Variants in TRRAP observed in about 807,000 individuals in gnomAD.
TRRAP encodes the protein transformation/transcription domain-associated protein.
A neutral mutation model predicts 438.8 loss-of-function variants in TRRAP; 41 were observed. The observed-to-expected ratio is 0.09, with a 90% CI of 0.07 to 0.12. The LOEUF is 0.12. Among genes scored for constraint, TRRAP ranks in the 10% least tolerant of loss-of-function variants. The pLI is 1.00. For synonymous variants in TRRAP, 1,994 were observed against 1,962.9 expected, an observed-to-expected ratio of 1.02 and a Z score of -0.42; for missense variants, 3,122 against 5,055.1, an observed-to-expected ratio of 0.62 and a Z score of 11.60.
At chr7:99,000,620 G>A (rs1051481815) in intron 67 of TRRAP, among the ~76,000 whole-genome samples, 5 of 152,258 alleles carry the variant, frequency 3.3e-5, no homozygotes, top group Admixed American at 3.3e-4. Flanking sequence ...GCCAGCCGGC[G>A]TCACTTGGGC....
At chr7:98,953,467 A>G (rs566244963) in intron 40 of TRRAP, 34 bp downstream of exon 40, 12 of 1,597,922 alleles carry the variant, frequency 7.5e-6, no homozygotes, top group Non-Finnish European at 1.0e-5. Context: ...CGCCGACATC[A>G]GCGTGAATCT....
rs1246194206 is a variant in TRRAP, at chr7:98,993,530, G to T, written c.9848-8G>T. ...CGCTGACACTGGCGTTGTGTGTGTTGCTCTCAGATTCTGGACAGCAGCAGC... is the reference window on the plus strand; with the variant it reads ...CGCTGACACTGGCGTTGTGTGTGTTTCTCTCAGATTCTGGACAGCAGCAGC... On this transcript the variant is annotated splice_region_variant and splice_polypyrimidine_tract_variant and intron_variant, in intron 65 of 72. Coordinates refer to ENST00000456197, the MANE Select transcript of TRRAP (RefSeq NM_001375524.1). 1 of 1,608,178 alleles carries T rather than the reference G, an allele frequency of 6.2e-7. No individual in the cohort carries two copies.
At position 98,921,925 on chromosome 7, in the gene TRRAP, A is replaced by C. The variant is rs782779237; in HGVS notation, c.2795A>C (p.Lys932Thr). Residue 932 changes from lysine to threonine, a missense_variant, in exon 21 of 73, where the codon AAA (lysine) becomes ACA (threonine). Coordinates refer to ENST00000456197, the MANE Select transcript of TRRAP (RefSeq NM_001375524.1). Reference protein sequence around the residue: ...PSITVEFSDCKASLQLPMEKA... With the variant: ...PSITVEFSDCTASLQLPMEKA... ...ATCACTGTGGAGTTTTCCGACTGCA[A>C]AGCTTCTCTCCAGCTCCCCATGGAG... 3.1e-6 allele frequency: 5 copies of C among 1,614,164 alleles called. No individual in the cohort carries two copies. The highest frequency in any genetic ancestry group is 4.2e-6 in the Non-Finnish European group (5 of 1,180,022).
intron 47 of TRRAP, among the ~76,000 whole-genome samples, chr7:98,962,953 T>C (rs923605376): frequency 6.6e-5 from 10 of 152,196 alleles, no homozygotes; most frequent in African/African-American, 2.2e-4. Context: ...GGCAGACACA[T>C]GTCTTTGATC....
At position 99,011,341 on chromosome 7, in the gene TRRAP, G is replaced by A; in HGVS notation, c.11143G>A (p.Asp3715Asn). The A allele has an allele frequency of 6.2e-7, 1 of 1,613,746 alleles. No individual in the cohort carries two copies. Reference protein sequence around the residue: ...LNPEMLQIAQDTGKLNVAYFR... With the variant: ...LNPEMLQIAQNTGKLNVAYFR... ...TAAAGTGTCTCCTTCTGAAATTTAG[G>A]ACACTGGCAAACTGAATGTTGCCTA... Residue 3715 changes from aspartate to asparagine, a missense_variant and splice_region_variant, in exon 72 of 73, where the codon GAC (aspartate) becomes AAC (asparagine). Asp to Asn is a conservative substitution (Grantham distance 23). This residue lies in a region of TRRAP where 192 missense variants were observed against 355.6 expected (regional missense o/e 0.54). Coordinates refer to ENST00000456197, the MANE Select transcript of TRRAP (RefSeq NM_001375524.1). This position sits in a 1 kb window ranked among gnomAD's most constrained non-coding sequence, Gnocchi z 7.1.
Position 98,937,289 on chromosome 7 carries a change from T to C in TRRAP, c.4233+12T>C, listed in dbSNP as rs374807745. The C allele has an allele frequency of 1.2e-4, 200 of 1,607,828 alleles. No individual in the cohort carries two copies. Among genetic ancestry groups the C allele is most frequent in the Admixed American group, 3.4e-5 (2 of 58,404 alleles). Reference sequence around the variant, plus strand: ...CCTGTATGAGAAAGGTGAGTGTGTGTGCGTGCGTGTATGCGCACGCGTGTG... The same window carrying C: ...CCTGTATGAGAAAGGTGAGTGTGTGCGCGTGCGTGTATGCGCACGCGTGTG... On this transcript the variant is annotated intron_variant, in intron 29 of 72. Transcript: ENST00000456197.
intron 24 of TRRAP, 73 bp downstream of exon 24, chr7:98,930,279 A>G (rs1790263372): frequency 1.9e-6 from 3 of 1,546,968 alleles, no homozygotes; most frequent in South Asian, 2.3e-5. Context: ...CTAGAAACTG[A>G]TAGTTTAAGA....
intron 59 of TRRAP, among the ~76,000 whole-genome samples, chr7:98,982,500 G>A (rs1333936528): frequency 6.6e-6 from 1 of 152,192 alleles, no homozygotes; most frequent in African/African-American, 2.4e-5. Flanking sequence ...CTGAGACAGC[G>A]GGCATAGCCA....
chr7:98,986,369 A>C (rs944684682), intron 62 of TRRAP, among the ~76,000 whole-genome samples: 2 of 152,222 alleles, frequency 1.3e-5, no homozygotes, highest in African/African-American at 4.8e-5. Context: ...AATCTTCCAC[A>C]GTTGGCCGTA....
chr7:99,001,575 G>A (rs1218897386), intron 67 of TRRAP, among the ~76,000 whole-genome samples: 1 of 152,112 alleles, frequency 6.6e-6, no homozygotes, highest in Non-Finnish European at 1.5e-5. Flanking sequence ...ACTGGAAAAA[G>A]TCAGCATGAG....
chr7:98,977,607 A>G (rs1468103496), intron 56 of TRRAP, among the ~76,000 whole-genome samples: 5 of 152,220 alleles, frequency 3.3e-5, no homozygotes, highest in Non-Finnish European at 7.3e-5. Context: ...GCCAGCGTGG[A>G]TGCTTTTTCC....
intron 59 of TRRAP, among the ~76,000 whole-genome samples, chr7:98,982,247 CAG>C (rs1792964746): frequency 6.6e-6 from 1 of 152,174 alleles, no homozygotes; most frequent in Admixed American, 6.5e-5. Flanking sequence ...CCCTCAGTTA[CAG>C]AGTCCATCGC....
intron 68 of TRRAP, 40 bp downstream of exon 68, chr7:99,004,455 G>C (rs558263102): frequency 8.2e-5 from 130 of 1,578,004 alleles, no homozygotes; most frequent in Non-Finnish European, 1.0e-4. Context: ...AACCCACGGC[G>C]CCCATGGACA....
At chr7:98,892,620 T>C in intron 5 of TRRAP, 92 bp downstream of exon 5, 3 of 1,100,610 alleles carry the variant, frequency 2.7e-6, no homozygotes, top group Non-Finnish European at 3.9e-6. Context: ...TACAACTGTT[T>C]TATCTTTCTC....
intron 1 of TRRAP, among the ~76,000 whole-genome samples, chr7:98,879,720 C>T (rs1795330885): frequency 6.6e-6 from 1 of 152,204 alleles, no homozygotes; most frequent in Admixed American, 6.5e-5. Flanking sequence ...TACCCGGAGC[C>T]AGAGGGCTGG....
chr7:98,944,146 C>T (rs546133999), intron 31 of TRRAP, among the ~76,000 whole-genome samples: 1 of 152,254 alleles, frequency 6.6e-6, no homozygotes, highest in East Asian at 1.9e-4. Flanking sequence ...AGCCCAGGCT[C>T]CTGGGATGAG....
At chr7:98,953,084 TA>T in intron 39 of TRRAP, 82 bp from the exon 40 acceptor site, 8 of 1,046,034 alleles carry the variant, frequency 7.6e-6, no homozygotes, top group Non-Finnish European at 9.8e-6. Flanking sequence ...TGTGTGTTTT[TA>T]AGGCTTAAAC....
At chr7:98,889,736 G>T (rs559453536) in intron 3 of TRRAP, among the ~76,000 whole-genome samples, 3 of 151,666 alleles carry the variant, frequency 2.0e-5, no homozygotes, top group Non-Finnish European at 4.4e-5. Context: ...AAAATTTTTT[G>T]TAGAGATGGA....
chr7:98,893,975 A>G, intron 6 of TRRAP, 94 bp downstream of exon 6: 1 of 1,126,468 alleles, frequency 8.9e-7, no homozygotes, highest in Non-Finnish European at 1.3e-6. Flanking sequence ...CTGAACACAT[A>G]CTGTTTTCAA....
Sources: gnomAD v4.1 joint callset for allele counts (sites outside exome capture counted in the v4.1 genomes callset) on GRCh38, gnomAD v4.1.1 for gene constraint, gnomAD v4.1.1 regional missense constraint, Gnocchi (gnomAD v3.1) non-coding constraint, MANE v1.5 for transcripts, NCBI Gene and HGNC (gene_info 2026-07-23, HGNC 2026-07-21) for gene names.